PPP1R16B: variants seen among roughly 807,000 people sequenced by gnomAD.
PPP1R16B encodes protein phosphatase 1 regulatory inhibitor subunit 16B.
A neutral mutation model predicts 61.7 loss-of-function variants in PPP1R16B; 14 were observed. That is an observed-to-expected ratio of 0.23 (90% CI 0.15 to 0.35). The LOEUF (loss-of-function observed/expected upper bound fraction) is 0.35, where lower values mean the gene tolerates loss of function less well. Ranked by LOEUF, PPP1R16B falls within the 10% of genes least tolerant of loss-of-function variation. The probability of loss-of-function intolerance (pLI) is 1.00; values close to 1 mark genes in which losing one functional copy is unlikely to be tolerated. For synonymous variants in PPP1R16B, 266 were observed against 305.3 expected (o/e 0.87, Z 1.34); for missense variants, 547 against 752.5 (o/e 0.73, Z 3.19).
intron 1 of PPP1R16B, among the ~76,000 whole-genome samples, chr20:38,817,519 C>T (rs996502811): frequency 2.7e-5 from 4 of 148,704 alleles, no homozygotes; most frequent in Admixed American, 1.4e-4. Context: ...GAGCAGAGAT[C>T]GCACCACTGC....
chr20:38,806,662 GCAGGCGCTCGCTGCCCTCCTCCTTCCC>G lies in PPP1R16B; in HGVS notation c.-102+872_-102+898del, dbSNP rs528642057. Among the ~76,000 whole-genome samples, 1 of 152,318 alleles carries G rather than the reference GCAGGCGCTCGCTGCCCTCCTCCTTCCC, an allele frequency of 6.6e-6. No individual in the cohort carries two copies. Among genetic ancestry groups the G allele is most frequent in the African/African-American group, 2.4e-5 (1 of 41,578 alleles). ...ACCGCCCCGGGTGGAGAGCCGGGAG[GCAGGCGCTCGCTGCCCTCCTCCTTCCC>G]CCATGTAGACTCCCTTCCTCCGCTC... On this transcript the variant is annotated intron_variant, in intron 1 of 10. Transcript: ENST00000299824. The surrounding 1 kb of genome is among the most constrained non-coding windows in gnomAD (Gnocchi z 4.5).
chr20:38,898,307 G>T (rs1005516135), intron 4 of PPP1R16B, among the ~76,000 whole-genome samples: 2 of 152,066 alleles, frequency 1.3e-5, no homozygotes, highest in African/African-American at 4.8e-5. Flanking sequence ...TGTATGTGAG[G>T]GTTTGTTTCT....
At chr20:38,858,170 A>G (rs1384082669) in intron 2 of PPP1R16B, among the ~76,000 whole-genome samples, 2 of 151,994 alleles carry the variant, frequency 1.3e-5, no homozygotes, top group African/African-American at 4.8e-5. Context: ...TATCTCCCAA[A>G]AGTCCCATCT....
intron 6 of PPP1R16B, 43 bp downstream of exon 6, chr20:38,902,835 C>T (rs781299802): frequency 2.4e-5 from 38 of 1,612,494 alleles, no homozygotes; most frequent in Non-Finnish European, 3.1e-5. Flanking sequence ...CAGCTAGGTC[C>T]GAAGTGGGCC....
At chr20:38,916,478 G>T (rs1401053153) in intron 10 of PPP1R16B, among the ~76,000 whole-genome samples, 1 of 150,872 alleles carries the variant, frequency 6.6e-6, no homozygotes, top group Non-Finnish European at 1.5e-5. Context: ...ATCTTTCCAT[G>T]CCAGCTTGTG....
chr20:38,922,842 C>G lies in PPP1R16B; in HGVS notation c.*4176C>G, dbSNP rs889548464. 1 of 152,422 alleles carries G rather than the reference C, an allele frequency of 6.6e-6. No individual in the cohort carries two copies. The highest frequency in any genetic ancestry group is 2.4e-5 in the African/African-American group (1 of 41,436). 9.4% of individuals were successfully genotyped at this position (152,422 alleles called of 1,614,324 possible). Reference sequence around the variant, plus strand: ...ATCTTCGCAGATCTTTGATATCGTACTGAGGTAACTTCCACGTAGCCCCTT... The same window carrying G: ...ATCTTCGCAGATCTTTGATATCGTAGTGAGGTAACTTCCACGTAGCCCCTT... On this transcript the variant is annotated 3_prime_UTR_variant, in exon 11 of 11. Coordinates refer to ENST00000299824, the MANE Select transcript of PPP1R16B (RefSeq NM_015568.4).
At chr20:38,873,424 G>C (rs181982714) in intron 2 of PPP1R16B, among the ~76,000 whole-genome samples, 1 of 152,134 alleles carries the variant, frequency 6.6e-6, no homozygotes, top group East Asian at 1.9e-4. Context: ...TGTATGCTGC[G>C]TAACAAATCA....
chr20:38,807,101 G>C (rs2145698754), intron 1 of PPP1R16B, among the ~76,000 whole-genome samples: 1 of 152,312 alleles, frequency 6.6e-6, no homozygotes, highest in Admixed American at 6.5e-5. Flanking sequence ...TTCCCGCAGG[G>C]CTCTCCCTGG....
chr20:38,869,230 C>T (rs2085110444), intron 2 of PPP1R16B, among the ~76,000 whole-genome samples: 1 of 152,064 alleles, frequency 6.6e-6, no homozygotes, highest in African/African-American at 2.4e-5. Flanking sequence ...ACGATCTTGG[C>T]TCACTGCAAC....
intron 1 of PPP1R16B, among the ~76,000 whole-genome samples, chr20:38,820,829 G>A (rs999848063): frequency 6.6e-5 from 10 of 151,810 alleles, no homozygotes; most frequent in African/African-American, 2.4e-4. Context: ...TCAGGAGATC[G>A]AGACCATCCT....
chr20:38,833,520 G>C (rs2084850620), intron 1 of PPP1R16B, among the ~76,000 whole-genome samples: 1 of 152,232 alleles, frequency 6.6e-6, no homozygotes, highest in Non-Finnish European at 1.5e-5. Context: ...TAAACTGGGT[G>C]AAGTGTACAC....
rs1002646412 is a variant in PPP1R16B at position 38,921,683 on chromosome 20, G to A, written c.*3017G>A. On this transcript the variant is annotated 3_prime_UTR_variant, in exon 11 of 11. Transcript: ENST00000299824. The stretch of plus-strand genomic sequence containing the variant: ...CTGCCTTCAGCCAGCATCTTTGGGG[G>A]ACTCTATAATAGCAGCTTGAGATCA... The A allele has an allele frequency of 6.6e-6, 1 of 152,206 alleles. No individual in the cohort carries two copies. Among genetic ancestry groups the A allele is most frequent in the African/African-American group, 2.4e-5 (1 of 41,446 alleles). The allele number at this position is 152,206 out of a possible 1,614,324, so 9.4% of individuals were successfully genotyped here.
At chr20:38,879,958 CTG>C (rs915252755) in intron 2 of PPP1R16B, among the ~76,000 whole-genome samples, 8 of 152,206 alleles carry the variant, frequency 5.3e-5, no homozygotes, top group African/African-American at 1.9e-4. Context: ...AAGGAAAAGT[CTG>C]TGGCCCAGCC....
chr20:38,842,843 A>C (rs1198150653), intron 2 of PPP1R16B, among the ~76,000 whole-genome samples: 5 of 144,314 alleles, frequency 3.5e-5, no homozygotes, highest in South Asian at 2.2e-4. Flanking sequence ...AAAAAAAAAA[A>C]CCCTGTTATT....
intron 1 of PPP1R16B, among the ~76,000 whole-genome samples, chr20:38,813,751 ACAT>A (rs1157133606): frequency 0.059 from 8,564 of 144,804 alleles, 294 homozygotes; most frequent in Non-Finnish European, 0.074. Context: ...CTAAGGGGTG[ACAT>A]CATCATCATC....
chr20:38,866,189 T>G (rs2085089487), intron 2 of PPP1R16B, among the ~76,000 whole-genome samples: 1 of 152,074 alleles, frequency 6.6e-6, no homozygotes, highest in African/African-American at 2.4e-5. Context: ...GATTTCTGCT[T>G]CTGGTTTCAG....
At chr20:38,823,170 T>C (rs766294894) in intron 1 of PPP1R16B, among the ~76,000 whole-genome samples, 3 of 152,212 alleles carry the variant, frequency 2.0e-5, no homozygotes, top group Non-Finnish European at 4.4e-5. Context: ...TGGAAGGTCA[T>C]AGATCCAGTA....
At chr20:38,915,703 C>T (rs763254873) in intron 10 of PPP1R16B, among the ~76,000 whole-genome samples, 3 of 151,888 alleles carry the variant, frequency 2.0e-5, no homozygotes, top group Non-Finnish European at 2.9e-5. Context: ...TTGGCCAGGC[C>T]GGTCTCGAAC....
rs187673559 is a variant in PPP1R16B, at chr20:38,862,774, T to A, written c.250+26599T>A. Among the ~76,000 whole-genome samples the A allele has an allele frequency of 5.6e-3, 855 of 152,168 alleles. 9 individuals are homozygous for A. The highest frequency in any genetic ancestry group is 6.6e-3 in the Non-Finnish European group (449 of 68,018). On this transcript the variant is annotated intron_variant, in intron 2 of 10. Transcript: ENST00000299824. Reference sequence around the variant, plus strand: ...TAGGGTGGGGAGTGCAAAAGCAAGATCTTGGAGCTCTTGGGTTCCTTCCCT... The same window carrying A: ...TAGGGTGGGGAGTGCAAAAGCAAGAACTTGGAGCTCTTGGGTTCCTTCCCT...
Sources: allele counts gnomAD v4.1 joint callset (sites outside exome capture counted in the v4.1 genomes callset), GRCh38; gene constraint gnomAD v4.1.1; non-coding constraint Gnocchi (gnomAD v3.1); transcripts MANE v1.5; gene names NCBI Gene and HGNC (gene_info 2026-07-23, HGNC 2026-07-21).